The following TNFRSF21 variants were observed in gnomAD, a reference collection of about 807,000 sequenced individuals.
TNFRSF21 encodes the protein tumor necrosis factor receptor superfamily member 21.
A neutral mutation model predicts 45.6 loss-of-function variants in TNFRSF21; 19 were observed. That is an observed-to-expected ratio of 0.42 (90% confidence interval 0.29 to 0.61). The LOEUF is 0.61. Ranked by LOEUF, TNFRSF21 falls within the 20% of genes least tolerant of loss-of-function variation. The pLI is 0.23. For missense variants in TNFRSF21, 737 were observed against 851.5 expected, an observed-to-expected ratio of 0.87 and a Z score of 1.67; for synonymous variants, 314 against 335.5, an observed-to-expected ratio of 0.94 and a Z score of 0.70.
At chr6:47,301,715 C>T (rs1440218105) in intron 1 of TNFRSF21, among the ~76,000 whole-genome samples, 3 of 152,072 alleles carry the variant, frequency 2.0e-5, no homozygotes, top group Admixed American at 6.6e-5. Flanking sequence ...ACACACCAGC[C>T]GCCCTTCCGT....
chr6:47,268,746 G>C (rs1762371559), intron 3 of TNFRSF21, among the ~76,000 whole-genome samples: 1 of 152,126 alleles, frequency 6.6e-6, no homozygotes, highest in Non-Finnish European at 1.5e-5. Flanking sequence ...GTGTCATCCA[G>C]GCTATCCAGG....
intron 4 of TNFRSF21, among the ~76,000 whole-genome samples, chr6:47,252,823 A>G (rs965017101): frequency 1.1e-4 from 16 of 152,250 alleles, no homozygotes; most frequent in African/African-American, 3.9e-4. Flanking sequence ...TCAGGAGGCA[A>G]GAATGCTGCC....
intron 1 of TNFRSF21, among the ~76,000 whole-genome samples, chr6:47,294,437 C>T (rs543455658): frequency 2.6e-5 from 4 of 152,300 alleles, no homozygotes; most frequent in East Asian, 1.9e-4. Flanking sequence ...CCAACGCGCC[C>T]GGCTGCGCAC....
At chr6:47,262,018 C>T (rs999091611) in intron 3 of TNFRSF21, among the ~76,000 whole-genome samples, 1 of 152,136 alleles carries the variant, frequency 6.6e-6, no homozygotes, top group Non-Finnish European at 1.5e-5. Flanking sequence ...GTTAGAAGAT[C>T]TGTTTAGATT....
At position 47,244,097 on chromosome 6, in the gene TNFRSF21, G is replaced by A. The variant is rs188790415; in HGVS notation, c.1509+9159C>T. On this transcript the variant is annotated intron_variant, in intron 4 of 5. Transcript: ENST00000296861. Reference sequence around the variant, plus strand: ...AGCACTTCGGGAGGCCGAGGCGGGCGGATCACAAGGTCAGGAGATAGAGAC... The same window carrying A: ...AGCACTTCGGGAGGCCGAGGCGGGCAGATCACAAGGTCAGGAGATAGAGAC... 9.4e-3 allele frequency among the ~76,000 whole-genome samples: 1,431 copies of A among 152,186 alleles called. 22 individuals are homozygous for A. The highest frequency in any genetic ancestry group is 0.031 in the African/African-American group (1,300 of 41,532).
intron 3 of TNFRSF21, among the ~76,000 whole-genome samples, chr6:47,255,487 G>C (rs1032006305): frequency 7.3e-5 from 11 of 151,240 alleles, no homozygotes; most frequent in African/African-American, 2.2e-4. Flanking sequence ...TTGAGATGAA[G>C]TTTTGCTCTT....
chr6:47,308,382 T>G (rs762616951), intron 1 of TNFRSF21, among the ~76,000 whole-genome samples: 66 of 152,004 alleles, frequency 4.3e-4, no homozygotes, highest in Non-Finnish European at 4.4e-4. Flanking sequence ...TTCTTGGGGG[T>G]TTTTTTGTTC....
At chr6:47,269,684 T>G (rs6914371) in intron 3 of TNFRSF21, among the ~76,000 whole-genome samples, 48,813 of 152,102 alleles carry the variant, frequency 0.32, 7,989 homozygotes, top group Non-Finnish European at 0.35. Context: ...CAAGAGATAA[T>G]GTACCAAACA....
chr6:47,290,242 G>A (rs568976975), intron 1 of TNFRSF21, among the ~76,000 whole-genome samples: 9 of 152,240 alleles, frequency 5.9e-5, no homozygotes, highest in Admixed American at 3.9e-4. Context: ...GGCAGGGAGC[G>A]GTGGTCGGCG....
rs756375787 is a variant in TNFRSF21 at position 47,253,478 on chromosome 6, C to A, written c.1287G>T (p.Gln429His). 1.9e-6 allele frequency: 3 copies of A among 1,613,624 alleles called. No homozygotes were observed. Among genetic ancestry groups the A allele is most frequent in the Non-Finnish European group, 2.5e-6 (3 of 1,180,052 alleles). ...AAAGAAACTGATAGATATCTTTCCA[C>A]TGGCTTCCCACTTGGGCTGCTACAA... ...LKLVAAQVGS[Q>H]WKDIYQFLCN... is the part of the protein sequence containing the mutation. The change falls in exon 4 of 6, where the codon CAG (glutamine) becomes CAT (histidine). Residue 429 changes from glutamine to histidine, a missense_variant. By Grantham distance (24) the Gln-to-His change is conservative. Coordinates refer to ENST00000296861, the MANE Select transcript of TNFRSF21 (RefSeq NM_014452.5).
intron 1 of TNFRSF21, among the ~76,000 whole-genome samples, chr6:47,309,110 G>A (rs1762980276): frequency 6.6e-6 from 1 of 152,140 alleles, no homozygotes; most frequent in African/African-American, 2.4e-5. Context: ...GCCGAGTAGG[G>A]GGAAAAGCCC....
chr6:47,238,051 A>G (rs1225461650), intron 4 of TNFRSF21, among the ~76,000 whole-genome samples: 1 of 152,120 alleles, frequency 6.6e-6, no homozygotes, highest in Non-Finnish European at 1.5e-5. Context: ...CTCTGTCTCA[A>G]AAAAAAAGAA....
chr6:47,284,192 C>A lies in TNFRSF21; in HGVS notation c.989G>T (p.Gly330Val), dbSNP rs985027560. The A allele has an allele frequency of 8.7e-6, 14 of 1,614,204 alleles. No individual in the cohort carries two copies. The highest frequency in any genetic ancestry group is 1.1e-5 in the Non-Finnish European group (13 of 1,180,048). The change falls in exon 3 of 6, where the codon GGC becomes GTC. Residue 330 changes from glycine to valine, a missense_variant. Physicochemically the swap from Gly to Val is moderately radical, Grantham distance 109 (BLOSUM62 -3). Coordinates refer to ENST00000296861, the MANE Select transcript of TNFRSF21 (RefSeq NM_014452.5). ...GGEKSSTPIKGPKRGHPRQNL... is the reference protein window; with the variant it reads ...GGEKSSTPIKVPKRGHPRQNL... Reference sequence around the variant, plus strand: ...CTGTCTAGGATGTCCCCTCTTGGGGCCCTTGATGGGCGTGCTGGACTTCTC... The same window carrying A: ...CTGTCTAGGATGTCCCCTCTTGGGGACCTTGATGGGCGTGCTGGACTTCTC...
chr6:47,304,702 C>T (rs1035159669), intron 1 of TNFRSF21, among the ~76,000 whole-genome samples: 3 of 152,184 alleles, frequency 2.0e-5, no homozygotes, highest in Admixed American at 6.5e-5. Context: ...TTTCAAGCCT[C>T]CCTTTTTTCC....
rs1320274134 is a variant in TNFRSF21 at position 47,232,607 on chromosome 6, G to A, written c.*158C>T. 3.2e-5 allele frequency: 19 copies of A among 592,764 alleles called. 2 individuals are homozygous for A. The East Asian group carries it at 4.9e-4, about 15-fold the overall frequency. The allele number at this position is 592,764 out of a possible 1,614,324, so 36.7% of individuals were successfully genotyped here. On this transcript the variant is annotated 3_prime_UTR_variant, in exon 6 of 6. Transcript: ENST00000296861. ...GAGAAGGAGAAAGAACTCAAGCACTGGCCATATTCTCTGTTAAACACACAC... is the reference window on the plus strand; with the variant it reads ...GAGAAGGAGAAAGAACTCAAGCACTAGCCATATTCTCTGTTAAACACACAC...
intron 3 of TNFRSF21, among the ~76,000 whole-genome samples, chr6:47,255,114 A>G (rs1407479470): frequency 6.6e-6 from 1 of 152,218 alleles, no homozygotes; most frequent in Non-Finnish European, 1.5e-5. Context: ...TCAATATATT[A>G]TCATCCTGGC....
At chr6:47,250,673 C>T (rs903364759) in intron 4 of TNFRSF21, among the ~76,000 whole-genome samples, 2 of 152,220 alleles carry the variant, frequency 1.3e-5, no homozygotes, top group Non-Finnish European at 2.9e-5. Flanking sequence ...AGCCCCAAAT[C>T]CCCAGCAGTA....
rs34093099 is a variant in TNFRSF21 at position 47,232,624 on chromosome 6, A to AACACACACAC, written c.*131_*140dup. The AACACACACAC allele has an allele frequency of 8.2e-3, 4,621 of 561,630 alleles. 24 individuals carry two copies. Among genetic ancestry groups the AACACACACAC allele is most frequent in the African/African-American group, 0.024 (1,191 of 50,170 alleles). 34.8% of individuals were successfully genotyped at this position (561,630 alleles called of 1,614,324 possible). ...CAAGCACTGGCCATATTCTCTGTTA[A>AACACACACAC]ACACACACACACACACACACACACA... On this transcript the variant is annotated 3_prime_UTR_variant, in exon 6 of 6. Coordinates refer to ENST00000296861, the MANE Select transcript of TNFRSF21 (RefSeq NM_014452.5).
In TNFRSF21 at chr6:47,244,883, T is replaced by C. The variant is rs192139375; in HGVS notation, c.1509+8373A>G. Among the ~76,000 whole-genome samples the C allele has an allele frequency of 2.0e-5, 3 of 152,350 alleles. No homozygotes were observed. The East Asian group carries it at 5.8e-4, about 29-fold the overall frequency. ...GTACCTGTTATTGACACTTGGGTTA[T>C]AACAGAATAAGGGACACTTTCACAA... On this transcript the variant is annotated intron_variant, in intron 4 of 5. Coordinates refer to ENST00000296861, the MANE Select transcript of TNFRSF21 (RefSeq NM_014452.5).
Sources: allele counts gnomAD v4.1 joint callset (sites outside exome capture counted in the v4.1 genomes callset), GRCh38; gene constraint gnomAD v4.1.1; transcripts MANE v1.5; gene names NCBI Gene and HGNC (gene_info 2026-07-23, HGNC 2026-07-21).